Variants in CHST11 observed in about 807,000 individuals in gnomAD.
CHST11 encodes C4S-1.
CHST11 carries 9 observed loss-of-function variants against 30.4 expected under a neutral mutation model. That is an observed-to-expected ratio of 0.30 (90% CI 0.18 to 0.52). CHST11 has a LOEUF of 0.52. Ranked by LOEUF, CHST11 falls within the 20% of genes least tolerant of loss-of-function variation. The pLI, the probability that CHST11 is intolerant of heterozygous loss-of-function variation, is 0.97. For missense variants in CHST11, 348 were observed against 460.6 expected, an observed-to-expected ratio of 0.76 and a Z score of 2.24; for synonymous variants, 152 against 187.8, an observed-to-expected ratio of 0.81 and a Z score of 1.56.
At chr12:104,703,329 G>A (rs747164952) in intron 2 of CHST11, among the ~76,000 whole-genome samples, 80 of 152,182 alleles carry the variant, frequency 5.3e-4, no homozygotes, top group Non-Finnish European at 1.1e-3. Context: ...AAATTTGACA[G>A]GTCTGAAACA....
chr12:104,564,020 G>T (rs1405972157), intron 1 of CHST11, among the ~76,000 whole-genome samples: 1 of 152,092 alleles, frequency 6.6e-6, no homozygotes, highest in Non-Finnish European at 1.5e-5. Context: ...TGAGATCTAC[G>T]TGGAGACACC....
rs79480865 is a variant in CHST11 at position 104,576,860 on chromosome 12, C to T, written c.119-25046C>T. Among the ~76,000 whole-genome samples the T allele has an allele frequency of 6.6e-3, 1,012 of 152,230 alleles. 10 individuals are homozygous for T. Among genetic ancestry groups the T allele is most frequent in the Middle Eastern group, 0.017 (5 of 294 alleles). On this transcript the variant is annotated intron_variant, in intron 1 of 2. Coordinates refer to ENST00000303694, the MANE Select transcript of CHST11 (RefSeq NM_018413.6). ...GGCTGCGCTGAGGGACATTCACGTT[C>T]CTCCAACATTCATGTTGCCATTAAG...
intron 1 of CHST11, among the ~76,000 whole-genome samples, chr12:104,463,956 G>A (rs992933550): frequency 6.6e-6 from 1 of 152,146 alleles, no homozygotes; most frequent in African/African-American, 2.4e-5. Context: ...TTTAACTGTA[G>A]ATGGGAGGGA....
chr12:104,660,745 G>A (rs527352738), intron 2 of CHST11, among the ~76,000 whole-genome samples: 15 of 152,244 alleles, frequency 9.9e-5, no homozygotes, highest in Non-Finnish European at 2.1e-4. Context: ...GTGCGTATCT[G>A]CCATTCCTCT....
At chr12:104,704,578 C>T (rs1008923728) in intron 2 of CHST11, among the ~76,000 whole-genome samples, 2 of 152,132 alleles carry the variant, frequency 1.3e-5, no homozygotes, top group Non-Finnish European at 2.9e-5. Context: ...AGGCTTTAGC[C>T]AGAAGAGTCT....
At chr12:104,478,375 C>T (rs545115417) in intron 1 of CHST11, among the ~76,000 whole-genome samples, 1 of 152,288 alleles carries the variant, frequency 6.6e-6, no homozygotes, top group East Asian at 1.9e-4. Context: ...ATGTTTGCCA[C>T]GTGAATGCAG....
chr12:104,640,899 A>T (rs1314600582), intron 2 of CHST11, among the ~76,000 whole-genome samples: 1 of 152,104 alleles, frequency 6.6e-6, no homozygotes, highest in Non-Finnish European at 1.5e-5. Context: ...CCAAAGTGAG[A>T]CCTTACATCC....
chr12:104,457,785 G>GTTTTTTTTTT (rs35612022), intron 1 of CHST11, among the ~76,000 whole-genome samples: 1 of 137,682 alleles, frequency 7.3e-6, no homozygotes, highest in Non-Finnish European at 1.6e-5. Flanking sequence ...AGGGGCGGTA[G>GTTTTTTTTTT]TTTTTTTTTT....
intron 1 of CHST11, among the ~76,000 whole-genome samples, chr12:104,467,317 T>C (rs1237617144): frequency 6.6e-6 from 1 of 152,186 alleles, no homozygotes; most frequent in African/African-American, 2.4e-5. Flanking sequence ...AAATGGAAGG[T>C]CTGGTGTCTA....
chr12:104,571,167 T>TTC (rs1223867922), intron 1 of CHST11, among the ~76,000 whole-genome samples: 1 of 150,998 alleles, frequency 6.6e-6, no homozygotes, highest in Non-Finnish European at 1.5e-5. Context: ...ACAGACAATT[T>TTC]TTTTTTTTTT....
At chr12:104,478,732 AGGAAAACCG>A (rs1286537890) in intron 1 of CHST11, among the ~76,000 whole-genome samples, 1 of 152,134 alleles carries the variant, frequency 6.6e-6, no homozygotes, top group African/African-American at 2.4e-5. Flanking sequence ...CACTACCTTG[AGGAAAACCG>A]GTGGGATTTA....
intron 1 of CHST11, among the ~76,000 whole-genome samples, chr12:104,476,237 A>G (rs1038077506): frequency 1.4e-5 from 2 of 145,866 alleles, no homozygotes; most frequent in East Asian, 4.0e-4. Context: ...ATGTAATAGC[A>G]TATGTTACAC....
intron 2 of CHST11, among the ~76,000 whole-genome samples, chr12:104,741,248 G>A (rs1338689400): frequency 2.0e-5 from 3 of 152,210 alleles, no homozygotes; most frequent in Non-Finnish European, 2.9e-5. Context: ...AGGCTTGGTG[G>A]TGGTGGTTAC....
chr12:104,470,122 A>C lies in CHST11; in HGVS notation c.118+12593A>C, dbSNP rs79590826. Reference sequence around the variant, plus strand: ...GTGGAGGCCAGGGATGCTGTTAAACATCCTACAATGGATAGGATAGACTTC... The same window carrying C: ...GTGGAGGCCAGGGATGCTGTTAAACCTCCTACAATGGATAGGATAGACTTC... On this transcript the variant is annotated intron_variant, in intron 1 of 2. Transcript: ENST00000303694. 0.013 allele frequency among the ~76,000 whole-genome samples: 2,053 copies of C among 152,326 alleles called. 93 individuals carry two copies. In the East Asian group the frequency reaches 0.17, roughly 13 times the overall value.
Position 104,757,180 on chromosome 12 carries a change from G to A in CHST11, c.436G>A (p.Asp146Asn), listed in dbSNP as rs762944913. 9.9e-6 allele frequency: 16 copies of A among 1,613,934 alleles called. No individual in the cohort carries two copies. Among genetic ancestry groups the A allele is most frequent in the Middle Eastern group, 1.6e-4 (1 of 6,084 alleles). Residue 146 changes from aspartate (D) to asparagine (N), a missense_variant, in exon 3 of 3, where the codon GAC (aspartate) becomes AAC (asparagine). Asp to Asn is a conservative substitution (Grantham distance 23). Transcript: ENST00000303694. This position sits in a 1 kb window ranked among gnomAD's most constrained non-coding sequence, Gnocchi z 6.5. ...MVLTGRGKYS[D>N]PMEIPANEAH... ...CCTGACCGGGCGGGGGAAGTACAGC[G>A]ACCCCATGGAGATCCCGGCCAACGA...
At chr12:104,683,420 T>C (rs943926593) in intron 2 of CHST11, among the ~76,000 whole-genome samples, 22 of 152,206 alleles carry the variant, frequency 1.4e-4, no homozygotes, top group African/African-American at 5.1e-4. Flanking sequence ...GAATCACATT[T>C]TGGAGGTGGC....
chr12:104,654,430 CAGT>C (rs757631278), intron 2 of CHST11, among the ~76,000 whole-genome samples: 7 of 152,162 alleles, frequency 4.6e-5, no homozygotes, highest in Non-Finnish European at 8.8e-5. Context: ...CCCATGGACA[CAGT>C]AGGAAGTGAC....
Position 104,757,805 on chromosome 12 carries a change from G to A in CHST11, c.*2G>A, listed in dbSNP as rs1359982113. The A allele has an allele frequency of 1.2e-6, 2 of 1,606,592 alleles. No homozygotes were observed. The highest frequency in any genetic ancestry group is 8.5e-7 in the Non-Finnish European group (1 of 1,174,392). On this transcript the variant is annotated 3_prime_UTR_variant, in exon 3 of 3. Coordinates refer to ENST00000303694, the MANE Select transcript of CHST11 (RefSeq NM_018413.6). This position sits in a 1 kb window ranked among gnomAD's most constrained non-coding sequence, Gnocchi z 6.5. ...CCAAGCTACCTGAAATTGGAATAAA[G>A]GGGGTGGGGAGAGGGAGAGAATCAT...
At chr12:104,474,734 AGGGCATTGGGT>A (rs551649378) in intron 1 of CHST11, among the ~76,000 whole-genome samples, 106 of 148,982 alleles carry the variant, frequency 7.1e-4, no homozygotes, top group African/African-American at 2.5e-3. Context: ...CAAAGTAGAA[AGGGCATTGGGT>A]GGGCATTGGG....
Sources: gnomAD v4.1 joint callset for allele counts (sites outside exome capture counted in the v4.1 genomes callset) on GRCh38, gnomAD v4.1.1 for gene constraint, Gnocchi (gnomAD v3.1) non-coding constraint, MANE v1.5 for transcripts, NCBI Gene and HGNC (gene_info 2026-07-23, HGNC 2026-07-21) for gene names.